ADCK5: variants seen among roughly 807,000 people sequenced by gnomAD.
ADCK5 encodes the protein uncharacterized aarF domain-containing protein kinase 5.
A neutral mutation model predicts 64.9 loss-of-function variants in ADCK5; 43 were observed. The ratio of observed to expected loss-of-function variants is 0.66; its 90% CI spans 0.52 to 0.85. The LOEUF (loss-of-function observed/expected upper bound fraction) is 0.85. ADCK5 is among the 40% of genes least tolerant of loss of function. The probability of loss-of-function intolerance (pLI) is 0.00; values close to 1 mark genes in which losing one functional copy is unlikely to be tolerated. For missense variants in ADCK5, 760 were observed against 810.5 expected, an observed-to-expected ratio of 0.94 and a Z score of 0.76; for synonymous variants, 434 against 342.8, an observed-to-expected ratio of 1.27 and a Z score of -2.94.
intron 9 of ADCK5, 35 bp from the exon 10 acceptor site, chr8:144,391,906 T>G (rs959843937): frequency 4.3e-6 from 7 of 1,610,634 alleles, no homozygotes; most frequent in Non-Finnish European, 5.9e-6. Context: ...GGCGGGCTGG[T>G]GCTGTGTCCA....
At chr8:144,382,872 G>A (rs1046141541) in intron 2 of ADCK5, among the ~76,000 whole-genome samples, 11 of 152,244 alleles carry the variant, frequency 7.2e-5, no homozygotes, top group African/African-American at 2.4e-4. Context: ...TGCCCCTTAT[G>A]GCCATCTGGT....
In ADCK5 at chr8:144,391,407, C is replaced by A. The variant is rs782411747; in HGVS notation, c.731C>A (p.Thr244Asn). 1 of 1,613,246 alleles carries A rather than the reference C, an allele frequency of 6.2e-7. No individual in the cohort carries two copies. Among genetic ancestry groups the A allele is most frequent in the Non-Finnish European group, 8.5e-7 (1 of 1,180,024 alleles). The change falls in exon 7 of 15, where the codon ACC becomes AAC. Residue 244 changes from threonine to asparagine, a missense_variant. Coordinates refer to ENST00000308860, the MANE Select transcript of ADCK5 (RefSeq NM_174922.5). ...LRDRFDGDIHTLELLLRLVEV... is the reference protein window; with the variant it reads ...LRDRFDGDIHNLELLLRLVEV... ...GACCGCTTTGATGGGGACATCCACA[C>A]CCTGGAGCTCCTGCTGCGGCTCGTT...
At chr8:144,391,751 G>C (rs554856977) in intron 8 of ADCK5, 32 bp from the exon 9 acceptor site, 1 of 1,539,042 alleles carries the variant, frequency 6.5e-7, no homozygotes, top group African/African-American at 1.4e-5. Flanking sequence ...ACAGCGCTGG[G>C]CCTGCTGAGC....
At chr8:144,374,216 CTCT>C in intron 1 of ADCK5, 109 bp downstream of exon 1, 1 of 1,103,884 alleles carries the variant, frequency 9.1e-7, no homozygotes, top group Non-Finnish European at 1.2e-6. Context: ...GGCTTTTTCC[CTCT>C]TTTTTTTTGA....
Position 144,392,501 on chromosome 8 carries a change from T to G in ADCK5, c.1324T>G (p.Trp442Gly). 6.9e-7 allele frequency: 1 copy of G among 1,453,480 alleles called. No individual in the cohort carries two copies. The highest frequency in any genetic ancestry group is 1.5e-5 in the African/African-American group (1 of 68,020). 90.0% of individuals were successfully genotyped at this position (1,453,480 alleles called of 1,614,324 possible). ...MQRPVRLGQL[W>G]GSHLLSREEA... ...GCGCCCCGTGCGCCTGGGGCAGCTG[T>G]GGGGCTCGCACCTACTGAGCCGCGA... is the stretch of plus-strand genomic sequence containing the variant. The change falls in exon 13 of 15, where the codon TGG (tryptophan) becomes GGG (glycine). Residue 442 changes from tryptophan to glycine, a missense_variant. Around this residue, in one of 2 missense-constraint regions of ADCK5, gnomAD observed 333 missense variants for 292.0 expected, o/e 1.14. Transcript: ENST00000308860.
rs574612056 is a variant in ADCK5 at position 144,374,736 on chromosome 8, G to A, written c.12+629G>A. On this transcript the variant is annotated intron_variant, in intron 1 of 14. Transcript: ENST00000308860. ...CCCTGCCCTGAGGCGGCGGGCGGGCGGGGGCTGCAGGCCGGGCTCTGCTCT... is the reference window on the plus strand; with the variant it reads ...CCCTGCCCTGAGGCGGCGGGCGGGCAGGGGCTGCAGGCCGGGCTCTGCTCT... Among the ~76,000 whole-genome samples the A allele has an allele frequency of 5.3e-5, 8 of 152,214 alleles. No individual in the cohort carries two copies. The South Asian group carries it at 1.7e-3, about 32-fold the overall frequency.
chr8:144,383,980 C>T (rs1268638598), intron 3 of ADCK5, among the ~76,000 whole-genome samples: 1 of 151,286 alleles, frequency 6.6e-6, no homozygotes. Flanking sequence ...CAAGCCCCGC[C>T]TCCCTGGTTC....
chr8:144,377,865 C>T (rs1219340644), intron 1 of ADCK5, among the ~76,000 whole-genome samples: 2 of 152,242 alleles, frequency 1.3e-5, no homozygotes, highest in South Asian at 4.1e-4. Flanking sequence ...ACTGTTGCCA[C>T]TTCCTTCGGA....
At position 144,376,051 on chromosome 8, in the gene ADCK5, C is replaced by T. The variant is rs1819351043; in HGVS notation, c.12+1944C>T. 6.6e-6 allele frequency among the ~76,000 whole-genome samples: 1 copy of T among 152,190 alleles called. No homozygotes were observed. Among genetic ancestry groups the T allele is most frequent in the Admixed American group, 6.5e-5 (1 of 15,276 alleles). On this transcript the variant is annotated intron_variant, in intron 1 of 14. Transcript: ENST00000308860. This position sits in a 1 kb window ranked among gnomAD's most constrained non-coding sequence, Gnocchi z 5.1. Reference sequence around the variant, plus strand: ...CCCCCAACCCATAACCTCTCTGGGCCTTGGGGACCTCTCCTGTGTGATGGG... The same window carrying T: ...CCCCCAACCCATAACCTCTCTGGGCTTTGGGGACCTCTCCTGTGTGATGGG...
At position 144,392,189 on chromosome 8, in the gene ADCK5, GC is replaced by G; in HGVS notation, c.1175+20del. The G allele has an allele frequency of 6.5e-7, 1 of 1,549,716 alleles. No individual in the cohort carries two copies. Among genetic ancestry groups the G allele is most frequent in the Admixed American group, 1.9e-5 (1 of 51,336 alleles). On this transcript the variant is annotated intron_variant, in intron 11 of 14. Coordinates refer to ENST00000308860, the MANE Select transcript of ADCK5 (RefSeq NM_174922.5). Reference sequence around the variant, plus strand: ...AGGAGAAGTGAGCGCGGGTGGGTGGGCGTGGGGCAGGGCAAGCCTCTCCTGC... The same window carrying G: ...AGGAGAAGTGAGCGCGGGTGGGTGGGGTGGGGCAGGGCAAGCCTCTCCTGC...
At chr8:144,377,056 C>T (rs1819394360) in intron 1 of ADCK5, among the ~76,000 whole-genome samples, 4 of 152,258 alleles carry the variant, frequency 2.6e-5, no homozygotes, top group Admixed American at 2.6e-4. Flanking sequence ...CAGTTCCTTA[C>T]TAGGTCCAGT....
In ADCK5 at chr8:144,391,797, C is replaced by T. The variant is rs782182631; in HGVS notation, c.945C>T (p.Ala315=). ...WDKSSKRVLT[A]DFCAGCKVND... is the part of the protein sequence containing the mutation. ...GCTCTCCCCAGCGCGTGCTCACTGC[C>T]GACTTCTGCGCCGGCTGCAAGGTCA... Residue 315 remains alanine (A), a synonymous_variant, in exon 9 of 15, where the codon GCC becomes GCT. Transcript: ENST00000308860. 1.5e-5 allele frequency: 23 copies of T among 1,557,614 alleles called. No homozygotes were observed. The African/African-American group carries it at 1.6e-4, about 11-fold the overall frequency.
chr8:144,392,285 G>C lies in ADCK5; in HGVS notation c.1207G>C (p.Ala403Pro). ...DRAALCQLWR[A>P]IILRDDAAMR... is the part of the protein sequence containing the mutation. ...CGCAGCCCTCTGCCAGCTGTGGCGG[G>C]CCATCATCCTGCGGGACGACGCCGC... The change falls in exon 12 of 15, where the codon GCC becomes CCC. Residue 403 changes from alanine to proline, a missense_variant. Physicochemically the swap from Ala to Pro is conservative, Grantham distance 27. Coordinates refer to ENST00000308860, the MANE Select transcript of ADCK5 (RefSeq NM_174922.5). 1 of 1,519,032 alleles carries C rather than the reference G, an allele frequency of 6.6e-7. No homozygotes were observed. The highest frequency in any genetic ancestry group is 8.8e-7 in the Non-Finnish European group (1 of 1,136,374). 94.1% of individuals were successfully genotyped at this position (1,519,032 alleles called of 1,614,324 possible).
intron 1 of ADCK5, 148 bp downstream of exon 1, chr8:144,374,255 G>A (rs1819274331): frequency 3.9e-6 from 3 of 775,996 alleles, no homozygotes; most frequent in Admixed American, 4.3e-5. Flanking sequence ...TGTCGCCCTG[G>A]AGCGCAGTGG....
rs753185228 is a variant in ADCK5, at chr8:144,388,531, A to G, written c.267-2140A>G. 3.0e-4 allele frequency among the ~76,000 whole-genome samples: 45 copies of G among 150,534 alleles called. 1 individual carries two copies. Among genetic ancestry groups the G allele is most frequent in the Middle Eastern group, 3.5e-3 (1 of 284 alleles). On this transcript the variant is annotated intron_variant, in intron 3 of 14. Transcript: ENST00000308860. ...TGTAATCCCAGCACTTTGGGAGGCCAAGGTGGGCGGATCACGAGGTCGGGA... is the reference window on the plus strand; with the variant it reads ...TGTAATCCCAGCACTTTGGGAGGCCGAGGTGGGCGGATCACGAGGTCGGGA...
chr8:144,374,265 G>A (rs1265106633), intron 1 of ADCK5, among the ~76,000 whole-genome samples, 158 bp downstream of exon 1: 2 of 152,228 alleles, frequency 1.3e-5, no homozygotes, highest in East Asian at 1.9e-4. Flanking sequence ...GAGCGCAGTG[G>A]TGCGATCTCC....
In ADCK5 at chr8:144,393,050, G is replaced by A. The variant is rs1390298825; in HGVS notation, c.1719G>A (p.Glu573=). The stretch of plus-strand genomic sequence containing the variant: ...TGAGCCTCGTGCCCCCAGCGGAGGA[G>A]CTCTACCAGTACCTGGAGACCTAGG... The part of the protein sequence containing the change: ...VHLSLVPPAE[E]LYQYLET The change falls in exon 15 of 15, where the codon GAG becomes GAA. Residue 573 remains glutamate (E), a synonymous_variant. Transcript: ENST00000308860. 2 of 1,585,348 alleles carry A rather than the reference G, an allele frequency of 1.3e-6. No individual in the cohort carries two copies. The highest frequency in any genetic ancestry group is 1.7e-6 in the Non-Finnish European group (2 of 1,170,112).
Position 144,391,339 on chromosome 8 carries a change from ACCACACC to A in ADCK5, c.685-20_685-14del, listed in dbSNP as rs1820214933. The A allele has an allele frequency of 5.0e-6, 8 of 1,612,534 alleles. No individual in the cohort carries two copies. Among genetic ancestry groups the A allele is most frequent in the Non-Finnish European group, 6.8e-6 (8 of 1,179,846 alleles). ...GGGCACAGTGGGGCCCCAAGTTCTC[ACCACACC>A]CTCGCCCAGTGCAGGTGCAGTACAT... On this transcript the variant is annotated splice_polypyrimidine_tract_variant and intron_variant, in intron 6 of 14. Coordinates refer to ENST00000308860, the MANE Select transcript of ADCK5 (RefSeq NM_174922.5).
At chr8:144,374,444 G>A (rs976111398) in intron 1 of ADCK5, among the ~76,000 whole-genome samples, 3 of 152,142 alleles carry the variant, frequency 2.0e-5, no homozygotes, top group African/African-American at 7.2e-5. Flanking sequence ...CGATCCGCCC[G>A]CCTCAGCCTC....
Sources: gnomAD v4.1 joint callset for allele counts (sites outside exome capture counted in the v4.1 genomes callset) on GRCh38, gnomAD v4.1.1 for gene constraint, gnomAD v4.1.1 regional missense constraint, Gnocchi (gnomAD v3.1) non-coding constraint, MANE v1.5 for transcripts, NCBI Gene and HGNC (gene_info 2026-07-23, HGNC 2026-07-21) for gene names.